Variants in MCPH1 observed in about 807,000 individuals in gnomAD.
MCPH1 encodes the protein microcephalin 1.
In MCPH1, 104 loss-of-function variants were observed where a neutral mutation model predicts 84.5. The ratio of observed to expected loss-of-function variants is 1.23; its 90% CI spans 1.05 to 1.45. MCPH1 has a LOEUF of 1.45. Ranked by LOEUF, MCPH1 falls within the 40% of genes most tolerant of loss-of-function variation. MCPH1 has a pLI of 0.00. For synonymous variants in MCPH1, 514 were observed against 366.8 expected, an observed-to-expected ratio of 1.40 and a Z score of -4.58; for missense variants, 1,498 against 1,005.7, an observed-to-expected ratio of 1.49 and a Z score of -6.62.
intron 11 of MCPH1, among the ~76,000 whole-genome samples, chr8:6,481,810 AG>A (rs925560432): frequency 6.6e-6 from 1 of 152,222 alleles, no homozygotes; most frequent in African/African-American, 2.4e-5. Context: ...ATTATATATT[AG>A]TACTGCTTTA....
chr8:6,526,944 G>A (rs1048560383), intron 12 of MCPH1, among the ~76,000 whole-genome samples: 3 of 152,076 alleles, frequency 2.0e-5, no homozygotes. Flanking sequence ...ATATAATCAT[G>A]TTTAATATTT....
intron 12 of MCPH1, chr8:6,502,880 T>C (rs1365152555): frequency 1.8e-6 from 1 of 541,260 alleles, no homozygotes; most frequent in African/African-American, 1.9e-5. Context: ...TTCTGTCTAA[T>C]CACAATTATG....
At chr8:6,631,052 A>G (rs1797124672) in intron 13 of MCPH1, among the ~76,000 whole-genome samples, 1 of 152,206 alleles carries the variant, frequency 6.6e-6, no homozygotes, top group South Asian at 2.1e-4. Context: ...CACCAAATGC[A>G]TACGGCAACC....
At chr8:6,625,406 C>G in intron 13 of MCPH1, 1 of 985,410 alleles carries the variant, frequency 1.0e-6, no homozygotes, top group Non-Finnish European at 1.2e-6. Context: ...TTTTTTTCCT[C>G]CCGTTCATTT....
At chr8:6,444,320 T>G in intron 7 of MCPH1, 73 bp from the exon 8 acceptor site, 2 of 1,569,496 alleles carry the variant, frequency 1.3e-6, no homozygotes, top group Non-Finnish European at 1.7e-6. Flanking sequence ...GTTGTTTTAT[T>G]GGTCAACTGA....
chr8:6,582,480 G>A lies in MCPH1; in HGVS notation c.2215-38974G>A, dbSNP rs79417878. On this transcript the variant is annotated intron_variant, in intron 12 of 13. Transcript: ENST00000344683. ...TATTTAACCTCAGACACACAGAATC[G>A]GATTAATTAGAGTCCTTGATTCAGC... 3.1e-3 allele frequency among the ~76,000 whole-genome samples: 478 copies of A among 152,212 alleles called. 3 individuals are homozygous for A. Among genetic ancestry groups the A allele is most frequent in the Non-Finnish European group, 3.5e-3 (238 of 68,004 alleles).
chr8:6,500,554 G>T (rs1012741253), intron 12 of MCPH1: 1 of 153,566 alleles, frequency 6.5e-6, no homozygotes, highest in Non-Finnish European at 1.4e-5. Context: ...TCTGCCACTG[G>T]TGTTGTTATT....
intron 12 of MCPH1, among the ~76,000 whole-genome samples, chr8:6,574,348 T>C (rs1288668587): frequency 6.6e-6 from 1 of 151,984 alleles, no homozygotes; most frequent in East Asian, 1.9e-4. Context: ...ATTCTCCCTG[T>C]CTACACGGCC....
intron 5 of MCPH1, among the ~76,000 whole-genome samples, chr8:6,436,547 T>C (rs1802664060): frequency 6.6e-6 from 1 of 152,114 alleles, no homozygotes; most frequent in Admixed American, 6.5e-5. Context: ...AATAGGCAAA[T>C]CTTAGATGAT....
In MCPH1 at chr8:6,477,580, T is replaced by C; in HGVS notation, c.1936-14T>C. On this transcript the variant is annotated splice_polypyrimidine_tract_variant and intron_variant, in intron 9 of 13. Coordinates refer to ENST00000344683, the MANE Select transcript of MCPH1 (RefSeq NM_024596.5). ...TTTGACTGTTTTTTGTTCCTTCTTG[T>C]TTGAAATCTCTAGCCAACAAGAACA... is the stretch of plus-strand genomic sequence containing the variant. 1 of 1,611,504 alleles carries C rather than the reference T, an allele frequency of 6.2e-7. No homozygotes were observed. Among genetic ancestry groups the C allele is most frequent in the Non-Finnish European group, 8.5e-7 (1 of 1,178,268 alleles).
chr8:6,455,315 G>A (rs1441052225), intron 9 of MCPH1, 63 bp downstream of exon 9: 2 of 1,183,414 alleles, frequency 1.7e-6, no homozygotes, highest in Non-Finnish European at 2.5e-6. Context: ...GTTCTTCTCT[G>A]GGTCAATGAA....
chr8:6,574,468 A>T (rs942486457), intron 12 of MCPH1, among the ~76,000 whole-genome samples: 4 of 152,232 alleles, frequency 2.6e-5, no homozygotes, highest in African/African-American at 9.6e-5. Flanking sequence ...ATAAGCCCAC[A>T]TGCTGAGTTG....
At chr8:6,503,871 A>C (rs906675307) in intron 12 of MCPH1, among the ~76,000 whole-genome samples, 5 of 152,190 alleles carry the variant, frequency 3.3e-5, no homozygotes, top group African/African-American at 9.7e-5. Flanking sequence ...TCTGCACCTT[A>C]ATTTCTGGGC....
intron 12 of MCPH1, among the ~76,000 whole-genome samples, chr8:6,540,476 C>T (rs1289767571): frequency 6.6e-6 from 1 of 152,178 alleles, no homozygotes; most frequent in Non-Finnish European, 1.5e-5. Context: ...TCTTGTAGGG[C>T]ACATGTATAT....
In MCPH1 at chr8:6,421,430, G is replaced by A. The variant is rs17076805; in HGVS notation, c.233+6547G>A. On this transcript the variant is annotated intron_variant, in intron 3 of 13. Transcript: ENST00000344683. ...TCAGCTTTATCCTTCTGACAAAATG[G>A]CTTAGAGTTCAGTGGTCTATAGCAG... 8.6e-3 allele frequency among the ~76,000 whole-genome samples: 1,301 copies of A among 151,854 alleles called. 59 individuals are homozygous for A. The East Asian group carries it at 0.087, about 10-fold the overall frequency.
intron 12 of MCPH1, among the ~76,000 whole-genome samples, chr8:6,600,984 T>C (rs1164557673): frequency 6.6e-6 from 1 of 152,092 alleles, no homozygotes; most frequent in Non-Finnish European, 1.5e-5. Context: ...ACAAGGGCCA[T>C]TACGGGGTCA....
intron 12 of MCPH1, among the ~76,000 whole-genome samples, chr8:6,533,485 TC>T (rs776099841): frequency 3.3e-5 from 5 of 151,966 alleles, no homozygotes; most frequent in Non-Finnish European, 7.4e-5. Flanking sequence ...TTCTGGTTGG[TC>T]AGAGGAGTGT....
chr8:6,422,845 C>T (rs889472405), intron 3 of MCPH1, among the ~76,000 whole-genome samples: 4 of 152,074 alleles, frequency 2.6e-5, no homozygotes, highest in South Asian at 2.1e-4. Context: ...CCCGCCACCA[C>T]GCCCGGCTAA....
At chr8:6,618,929 T>A (rs1048943369) in intron 12 of MCPH1, 1 of 152,176 alleles carries the variant, frequency 6.6e-6, no homozygotes. Context: ...GGGGCTTCAG[T>A]GATCCAGGCG....
Sources: allele counts gnomAD v4.1 joint callset (sites outside exome capture counted in the v4.1 genomes callset), GRCh38; gene constraint gnomAD v4.1.1; transcripts MANE v1.5; gene names NCBI Gene and HGNC (gene_info 2026-07-23, HGNC 2026-07-21).